Variants in MAML3 observed in about 807,000 individuals in gnomAD.
MAML3 encodes the protein mastermind-like protein 3.
MAML3 carries 27 observed loss-of-function variants against 101.9 expected under a neutral mutation model. The observed-to-expected ratio is 0.27, with a 90% CI of 0.20 to 0.37. The LOEUF (loss-of-function observed/expected upper bound fraction) is 0.37. MAML3 is among the 10% of genes least tolerant of loss of function. MAML3 has a pLI of 1.00. For synonymous variants in MAML3, 501 were observed against 555.9 expected (o/e 0.90, Z 1.39); for missense variants, 1,316 against 1,444.9 (o/e 0.91, Z 1.45).
At position 140,105,715 on chromosome 4, in the gene MAML3, G is replaced by T. The variant is rs1020664903; in HGVS notation, c.468+47145C>A. ...TAACTCTGGGAAGTTGCCTGTGGGGGACATGGAGGAAAAAAACAAAATCCT... is the reference window on the plus strand; with the variant it reads ...TAACTCTGGGAAGTTGCCTGTGGGGTACATGGAGGAAAAAAACAAAATCCT... On this transcript the variant is annotated intron_variant, in intron 1 of 4. Coordinates refer to ENST00000509479, the MANE Select transcript of MAML3 (RefSeq NM_018717.5). Among the ~76,000 whole-genome samples, 5 of 152,014 alleles carry T rather than the reference G, an allele frequency of 3.3e-5. No homozygotes were observed. The South Asian group carries it at 1.0e-3, about 32-fold the overall frequency.
chr4:139,852,403 G>GTTTTTTTTTTTTGTTGTTGTT (rs1731572846), intron 2 of MAML3, among the ~76,000 whole-genome samples: 10 of 68,330 alleles, frequency 1.5e-4, no homozygotes, highest in Admixed American at 5.0e-4. Flanking sequence ...TCAGAAGACT[G>GTTTTTTTTTTTTGTTGTTGTT]TTTTTTTTTT....
intron 2 of MAML3, among the ~76,000 whole-genome samples, chr4:139,762,282 G>GGAAC (rs1186717648): frequency 7.9e-5 from 12 of 152,288 alleles, no homozygotes; most frequent in Admixed American, 2.6e-4. Flanking sequence ...AGGAAGAATG[G>GGAAC]GAACAGAAAG....
chr4:139,775,272 G>A (rs532587162), intron 2 of MAML3, among the ~76,000 whole-genome samples: 50 of 152,252 alleles, frequency 3.3e-4, no homozygotes, highest in Middle Eastern at 6.8e-3. Context: ...ACTGCCCTAA[G>A]CAACCTCCTG....
At chr4:139,865,492 T>TTG (rs1553961142) in intron 2 of MAML3, among the ~76,000 whole-genome samples, 4 of 107,128 alleles carry the variant, frequency 3.7e-5, no homozygotes, top group African/African-American at 2.0e-4. Context: ...AAGGTTTTTT[T>TTG]TTTGTTTTTT....
chr4:139,916,408 A>G (rs772595009), intron 1 of MAML3, among the ~76,000 whole-genome samples: 60 of 152,204 alleles, frequency 3.9e-4, no homozygotes, highest in Non-Finnish European at 7.2e-4. Flanking sequence ...CACTAACCCA[A>G]TGCCAGCCTG....
intron 1 of MAML3, among the ~76,000 whole-genome samples, chr4:140,035,094 T>C (rs1726963083): frequency 6.6e-6 from 1 of 152,126 alleles, no homozygotes; most frequent in Non-Finnish European, 1.5e-5. Flanking sequence ...CTCACCCTCC[T>C]GAGTAGCTGG....
At chr4:140,067,675 T>C (rs951042270) in intron 1 of MAML3, among the ~76,000 whole-genome samples, 2 of 152,068 alleles carry the variant, frequency 1.3e-5, no homozygotes, top group Non-Finnish European at 1.5e-5. Flanking sequence ...TTTAAAGCTT[T>C]CAAACATTTA....
chr4:139,769,916 C>CTTTTTTTTTTTTTTTTT (rs139445743), intron 2 of MAML3, among the ~76,000 whole-genome samples: 9 of 132,294 alleles, frequency 6.8e-5, no homozygotes, highest in African/African-American at 2.3e-4. Flanking sequence ...CGCCCAGCCT[C>CTTTTTTTTTTTTTTTTT]TTTTTTTTTT....
chr4:139,795,732 G>A (rs530271963), intron 2 of MAML3, among the ~76,000 whole-genome samples: 5 of 152,240 alleles, frequency 3.3e-5, no homozygotes, highest in East Asian at 3.9e-4. Flanking sequence ...TCTTTTTAGC[G>A]GACCTCCTGA....
rs961784007 is a variant in MAML3, at chr4:139,759,806, G to A, written c.2080-29139C>T. ...TGAATAAATAATGGAATACTGGAATGAACCATGAAGAGAAGCAAGGCAATA... is the reference window on the plus strand; with the variant it reads ...TGAATAAATAATGGAATACTGGAATAAACCATGAAGAGAAGCAAGGCAATA... On this transcript the variant is annotated intron_variant, in intron 2 of 4. Coordinates refer to ENST00000509479, the MANE Select transcript of MAML3 (RefSeq NM_018717.5). 3.3e-5 allele frequency among the ~76,000 whole-genome samples: 5 copies of A among 152,222 alleles called. No homozygotes were observed. The East Asian group carries it at 9.6e-4, about 29-fold the overall frequency.
chr4:140,153,524 A>G lies in MAML3; in HGVS notation c.-197T>C. ...GGGTGGTTTTTGTTTCCTTTTTTTA[A>G]ACTGTAAAAGCTCAAGGGGAAGAAA... On this transcript the variant is annotated 5_prime_UTR_variant, in exon 1 of 5. Coordinates refer to ENST00000509479, the MANE Select transcript of MAML3 (RefSeq NM_018717.5). 1.7e-6 allele frequency: 1 copy of G among 576,726 alleles called. No individual in the cohort carries two copies. The highest frequency in any genetic ancestry group is 2.9e-6 in the Non-Finnish European group (1 of 342,714). 35.7% of individuals were successfully genotyped at this position (576,726 alleles called of 1,614,324 possible). A position where few individuals can be genotyped will look rare whatever the true frequency, so the allele number is the denominator to read the frequency against.
At chr4:139,953,717 C>T (rs751758658) in intron 1 of MAML3, among the ~76,000 whole-genome samples, 3 of 152,178 alleles carry the variant, frequency 2.0e-5, no homozygotes, top group African/African-American at 7.2e-5. Flanking sequence ...GGGCCTTTTT[C>T]GAAACCAGTG....
At chr4:139,935,650 T>G (rs1490427523) in intron 1 of MAML3, among the ~76,000 whole-genome samples, 1 of 151,988 alleles carries the variant, frequency 6.6e-6, no homozygotes, top group African/African-American at 2.4e-5. Context: ...TTTGTTTTTT[T>G]TTTTTGGTTT....
In MAML3 at chr4:140,146,817, C is replaced by T. The variant is rs918068098; in HGVS notation, c.468+6043G>A. On this transcript the variant is annotated intron_variant, in intron 1 of 4. Coordinates refer to ENST00000509479, the MANE Select transcript of MAML3 (RefSeq NM_018717.5). Reference sequence around the variant, plus strand: ...ACACCCTGAAGCCTGAAACTGCTGTCGTTAGTGCCAATGACTATACTGATT... The same window carrying T: ...ACACCCTGAAGCCTGAAACTGCTGTTGTTAGTGCCAATGACTATACTGATT... Among the ~76,000 whole-genome samples, 6 of 152,162 alleles carry T rather than the reference C, an allele frequency of 3.9e-5. No homozygotes were observed. In the East Asian group the frequency reaches 1.2e-3, roughly 29 times the overall value.
intron 2 of MAML3, among the ~76,000 whole-genome samples, chr4:139,842,729 G>A (rs974704060): frequency 8.1e-5 from 11 of 135,542 alleles, no homozygotes; most frequent in African/African-American, 2.8e-4. Context: ...TGTTGGTCAG[G>A]CTCGAACTCC....
intron 1 of MAML3, among the ~76,000 whole-genome samples, chr4:139,999,255 A>T (rs577467805): frequency 6.6e-6 from 1 of 152,332 alleles, no homozygotes; most frequent in East Asian, 1.9e-4. Flanking sequence ...CATTATGGCC[A>T]CTGACAATGC....
intron 1 of MAML3, 55 bp downstream of exon 1, chr4:140,152,805 A>ACCCCCC: frequency 6.6e-7 from 1 of 1,515,820 alleles, no homozygotes; most frequent in South Asian, 1.3e-5. Context: ...CGCGCCCCCC[A>ACCCCCC]CCACCACCAC....
At position 140,015,986 on chromosome 4, in the gene MAML3, A is replaced by C. The variant is rs139831296; in HGVS notation, c.469-125019T>G. On this transcript the variant is annotated intron_variant, in intron 1 of 4. Transcript: ENST00000509479. ...ACATAAAAATAAAGGTATACAGATGAAAAAGGATTGGTTCCTGTTTATGAA... is the reference window on the plus strand; with the variant it reads ...ACATAAAAATAAAGGTATACAGATGCAAAAGGATTGGTTCCTGTTTATGAA... Among the ~76,000 whole-genome samples, 988 of 152,280 alleles carry C rather than the reference A, an allele frequency of 6.5e-3. 12 individuals carry two copies. The highest frequency in any genetic ancestry group is 0.023 in the African/African-American group (941 of 41,560).
chr4:139,728,419 G>C (rs1263702276), intron 3 of MAML3, among the ~76,000 whole-genome samples: 1 of 152,194 alleles, frequency 6.6e-6, no homozygotes. Context: ...AGCACATACA[G>C]CTTCCAAAAC....
Sources: allele counts gnomAD v4.1 joint callset (sites outside exome capture counted in the v4.1 genomes callset), GRCh38; gene constraint gnomAD v4.1.1; transcripts MANE v1.5; gene names NCBI Gene and HGNC (gene_info 2026-07-23, HGNC 2026-07-21).